The following EYA1 variants were observed in gnomAD, a reference collection of about 807,000 sequenced individuals.
EYA1 encodes the protein protein phosphatase EYA1.
EYA1 carries 16 observed loss-of-function variants against 82.0 expected under a neutral mutation model. The observed-to-expected ratio is 0.20, with a 90% CI of 0.13 to 0.30. The LOEUF (loss-of-function observed/expected upper bound fraction) is 0.30, where lower values mean the gene tolerates loss of function less well. Ranked by LOEUF, EYA1 falls within the 10% of genes least tolerant of loss-of-function variation. The probability of loss-of-function intolerance (pLI) is 1.00; values close to 1 mark genes in which losing one functional copy is unlikely to be tolerated. For synonymous variants in EYA1, 261 were observed against 264.4 expected (o/e 0.99, Z 0.12); for missense variants, 633 against 730.7 (o/e 0.87, Z 1.54).
Position 71,361,854 on chromosome 8 carries a change from AG to A in EYA1, c.-263del, listed in dbSNP as rs1827415776. 1.0e-6 allele frequency: 1 copy of A among 985,304 alleles called. No homozygotes were observed. The highest frequency in any genetic ancestry group is 1.2e-6 in the Non-Finnish European group (1 of 829,926). The allele number at this position is 985,304 out of a possible 1,614,324, so 61.0% of individuals were successfully genotyped here. A position where few individuals can be genotyped will look rare whatever the true frequency, so the allele number is the denominator to read the frequency against. On this transcript the variant is annotated 5_prime_UTR_variant, in exon 1 of 18. The change abolishes the stop of an existing upstream ORF in the 5' untranslated region. Coordinates refer to ENST00000340726, the MANE Select transcript of EYA1 (RefSeq NM_000503.6). ...GGGGCAGGCGCCTGGCCGCTGCCGC[AG>A]GCTCGGGCTGCCGAGCGACTGAGCG... is the stretch of plus-strand genomic sequence containing the variant.
At position 71,324,566 on chromosome 8, in the gene EYA1, T is replaced by G. The variant is rs141153134; in HGVS notation, c.203-2298A>C. ...TGTCTTTTCCTTCTGTGTTTTCAAC[T>G]CTACTCAGTGGACTGCATCACCATC... On this transcript the variant is annotated intron_variant, in intron 4 of 17. Transcript: ENST00000340726. 9.1e-3 allele frequency among the ~76,000 whole-genome samples: 1,384 copies of G among 152,322 alleles called. 33 individuals are homozygous for G. The highest frequency in any genetic ancestry group is 0.053 in the South Asian group (255 of 4,826).
intron 11 of EYA1, among the ~76,000 whole-genome samples, chr8:71,256,191 C>T (rs1383107923): frequency 2.0e-5 from 3 of 152,098 alleles, no homozygotes; most frequent in African/African-American, 4.8e-5. Flanking sequence ...TATATGATCC[C>T]ACAATTCCCC....
At chr8:71,265,341 T>G (rs796181174) in intron 11 of EYA1, among the ~76,000 whole-genome samples, 28 of 152,338 alleles carry the variant, frequency 1.8e-4, no homozygotes, top group Admixed American at 9.8e-4. Context: ...GGAGCATTAA[T>G]GTTGAATTAA....
intron 11 of EYA1, among the ~76,000 whole-genome samples, chr8:71,248,077 T>C (rs1403073947): frequency 6.6e-6 from 1 of 152,250 alleles, no homozygotes; most frequent in Non-Finnish European, 1.5e-5. Flanking sequence ...ATTACAGTAA[T>C]GACTTGCTAG....
chr8:71,476,293 C>T (rs1809654859), intron 2 of EYA1, among the ~76,000 whole-genome samples: 1 of 152,142 alleles, frequency 6.6e-6, no homozygotes, highest in Non-Finnish European at 1.5e-5. Flanking sequence ...AAATCACCAC[C>T]TTCCTGTGGC....
At chr8:71,317,978 TTTG>T (rs1219385683) in intron 6 of EYA1, among the ~76,000 whole-genome samples, 2 of 152,216 alleles carry the variant, frequency 1.3e-5, no homozygotes, top group African/African-American at 4.8e-5. Context: ...CATACTTAAT[TTTG>T]TTGTTTTAAT....
At chr8:71,363,316 C>T (rs1216436250), upstream of EYA1, among the ~76,000 whole-genome samples, 2 of 152,030 alleles carry the variant, frequency 1.3e-5, no homozygotes, top group Admixed American at 6.5e-5. Flanking sequence ...AGCACCATTC[C>T]GATGCAAACA....
At chr8:71,433,622 G>A (rs1398718617) in intron 2 of EYA1, among the ~76,000 whole-genome samples, 1 of 152,220 alleles carries the variant, frequency 6.6e-6, no homozygotes, top group Non-Finnish European at 1.5e-5. Flanking sequence ...GGATTTCAGG[G>A]AGAAAGAACA....
chr8:71,539,215 GA>G (rs1388057072), intron 1 of EYA1, among the ~76,000 whole-genome samples: 1 of 101,802 alleles, frequency 9.8e-6, no homozygotes, highest in East Asian at 4.3e-4. Context: ...TCCTTAAGTA[GA>G]AAAAAAGGGT....
At chr8:71,452,513 AC>A (rs1586744647) in intron 2 of EYA1, among the ~76,000 whole-genome samples, 1 of 151,910 alleles carries the variant, frequency 6.6e-6, no homozygotes, top group Admixed American at 6.6e-5. Flanking sequence ...ACTGGGAGGC[AC>A]CCCCCAGTAG....
At chr8:71,267,355 T>C (rs183743244) in intron 11 of EYA1, among the ~76,000 whole-genome samples, 2 of 152,296 alleles carry the variant, frequency 1.3e-5, no homozygotes, top group African/African-American at 4.8e-5. Context: ...CCCTTTCTCC[T>C]GATGACCATA....
intron 7 of EYA1, among the ~76,000 whole-genome samples, chr8:71,301,371 ACT>A (rs1182536955): frequency 6.6e-6 from 1 of 152,166 alleles, no homozygotes; most frequent in Non-Finnish European, 1.5e-5. Context: ...CATAATGGAC[ACT>A]CTACAATATC....
chr8:71,402,625 T>C (rs1163605945), intron 2 of EYA1, among the ~76,000 whole-genome samples: 1 of 152,222 alleles, frequency 6.6e-6, no homozygotes, highest in Non-Finnish European at 1.5e-5. Flanking sequence ...TGAGTTTATA[T>C]GAAATAAAAT....
intron 9 of EYA1, 139 bp from the exon 10 acceptor site, chr8:71,272,036 G>T: frequency 1.1e-6 from 1 of 891,250 alleles, no homozygotes; most frequent in Non-Finnish European, 1.9e-6. Context: ...TCTTTTACTT[G>T]CGCTGGTAAA....
chr8:71,377,615 AT>A (rs1268565976), intron 2 of EYA1, among the ~76,000 whole-genome samples: 1 of 152,184 alleles, frequency 6.6e-6, no homozygotes, highest in African/African-American at 2.4e-5. Flanking sequence ...CATTTTACAC[AT>A]TTTTAAGCAT....
At chr8:71,347,885 C>CA (rs5892271) in intron 3 of EYA1, among the ~76,000 whole-genome samples, 5,068 of 80,606 alleles carry the variant, frequency 0.063, 130 homozygotes, top group Non-Finnish European at 0.08. Flanking sequence ...TGGAGGCATG[C>CA]AAAAAAAAAA....
intron 11 of EYA1, among the ~76,000 whole-genome samples, chr8:71,257,546 C>T (rs139141225): frequency 1.9e-3 from 282 of 152,222 alleles, no homozygotes; most frequent in Middle Eastern, 3.4e-3. Flanking sequence ...CAGCATATCA[C>T]CTTTTATTGA....
intron 2 of EYA1, chr8:71,535,737 T>G (rs779362391): frequency 9.1e-5 from 138 of 1,516,998 alleles, no homozygotes; most frequent in Middle Eastern, 3.4e-4. Context: ...ACATTCTGTT[T>G]ACTTACAGAC....
chr8:71,337,736 T>C (rs1187879558), intron 3 of EYA1, among the ~76,000 whole-genome samples: 1 of 152,222 alleles, frequency 6.6e-6, no homozygotes, highest in Admixed American at 6.6e-5. Context: ...ACTATATTCA[T>C]CATCATCATT....
Sources: allele counts gnomAD v4.1 joint callset (sites outside exome capture counted in the v4.1 genomes callset), GRCh38; gene constraint gnomAD v4.1.1; transcripts MANE v1.5; gene names NCBI Gene and HGNC (gene_info 2026-07-23, HGNC 2026-07-21).